The following GPM6B variants were observed in gnomAD, a reference collection of about 807,000 sequenced individuals.
GPM6B encodes the protein neuronal membrane glycoprotein M6-b.
In GPM6B, 4 loss-of-function variants were observed where a neutral mutation model predicts 27.2. The observed-to-expected ratio is 0.15, with a 90% CI of 0.07 to 0.34. The LOEUF is 0.34. Ranked by LOEUF, GPM6B falls within the 10% of genes least tolerant of loss-of-function variation. GPM6B has a pLI of 1.00. For synonymous variants in GPM6B, 124 were observed against 103.1 expected (o/e 1.20, Z -1.23); for missense variants, 183 against 261.9 (o/e 0.70, Z 2.08).
chrX:13,910,077 T>G (rs73633584), intron 1 of GPM6B, among the ~76,000 whole-genome samples: 2,069 of 111,950 alleles, frequency 0.018, 46 homozygotes, highest in African/African-American at 0.057. Context: ...CTGATAAAAC[T>G]GTGGAACTGG....
At chrX:13,900,496 G>A (rs1006548495) in intron 1 of GPM6B, among the ~76,000 whole-genome samples, 1 of 110,832 alleles carries the variant, frequency 9.0e-6, no homozygotes, top group Non-Finnish European at 1.9e-5. Context: ...GGGGTAAACT[G>A]AGGTAGCTGT....
At chrX:13,773,310 CTTTTTT>C (rs11305581) in intron 7 of GPM6B, 1 of 137,891 alleles carries the variant, frequency 7.3e-6, no homozygotes, top group Non-Finnish European at 1.3e-5. Flanking sequence ...CGAGAGGGTG[CTTTTTT>C]TTTTTTTTTT....
At chrX:13,842,001 C>A (rs780355969) in intron 1 of GPM6B, among the ~76,000 whole-genome samples, 1 of 112,152 alleles carries the variant, frequency 8.9e-6, no homozygotes, top group Admixed American at 9.4e-5. Flanking sequence ...CTCAATGAAT[C>A]GATTCTCACC....
At chrX:13,833,890 T>C (rs1489468167) in intron 1 of GPM6B, among the ~76,000 whole-genome samples, 3 of 112,595 alleles carry the variant, frequency 2.7e-5, no homozygotes, top group Non-Finnish European at 5.6e-5. Context: ...TGCTCTGCCA[T>C]TGGGCTTTGT....
intron 1 of GPM6B, among the ~76,000 whole-genome samples, chrX:13,809,035 G>A (rs2147182218): frequency 8.9e-6 from 1 of 112,272 alleles, no homozygotes; most frequent in South Asian, 3.7e-4. Flanking sequence ...CAATGATGAT[G>A]ACAGCAAAAA....
intron 1 of GPM6B, among the ~76,000 whole-genome samples, chrX:13,846,584 G>A (rs1413684198): frequency 9.1e-6 from 1 of 109,653 alleles, no homozygotes; most frequent in Non-Finnish European, 1.9e-5. Flanking sequence ...TCCGCCCTCT[G>A]GGTTCACGCC....
intron 1 of GPM6B, among the ~76,000 whole-genome samples, chrX:13,822,936 GTGAC>G (rs2049327648): frequency 8.9e-6 from 1 of 112,144 alleles, no homozygotes; most frequent in Non-Finnish European, 1.9e-5. Context: ...AATTTAGAAT[GTGAC>G]TGTCTACATT....
At chrX:13,783,791 C>T (rs775810032) in intron 3 of GPM6B, 91 of 435,003 alleles carry the variant, frequency 2.1e-4, no homozygotes, top group Non-Finnish European at 2.6e-4. Context: ...GAGTCCTGGG[C>T]GGCAAGGGTT....
rs554340328 is a variant in GPM6B, at chrX:13,839,953, G to A, written c.-197-54145C>T. Among the ~76,000 whole-genome samples, 14 of 111,492 alleles carry A rather than the reference G, an allele frequency of 1.3e-4. No individual in the cohort carries two copies. In the South Asian group the frequency reaches 2.3e-3, roughly 18 times the overall value. On this transcript the variant is annotated intron_variant, in intron 1 of 6. Coordinates refer to the GPM6B transcript ENST00000398361. ...ACAACTATAAAGCTATGCAGATCAA[G>A]GCAGTGTGGTAGTGATAAATGGACG...
At chrX:13,849,290 G>A (rs765338803) in intron 1 of GPM6B, among the ~76,000 whole-genome samples, 2 of 112,810 alleles carry the variant, frequency 1.8e-5, no homozygotes, top group East Asian at 5.5e-4. Flanking sequence ...ACGCCAAGAA[G>A]ATAGAATCAT....
chrX:13,924,074 A>G (rs1489457734), intron 1 of GPM6B, among the ~76,000 whole-genome samples: 1 of 111,626 alleles, frequency 9.0e-6, no homozygotes, highest in Admixed American at 9.5e-5. Context: ...ACTATCCTCA[A>G]TGAAGGCAGA....
intron 2 of GPM6B, among the ~76,000 whole-genome samples, chrX:13,796,428 G>A (rs767778489): frequency 1.2e-4 from 14 of 112,134 alleles, no homozygotes; most frequent in Non-Finnish European, 1.9e-4. Flanking sequence ...GAGCAAAGGC[G>A]TTTTGGGGTC....
intron 1 of GPM6B, among the ~76,000 whole-genome samples, chrX:13,897,789 C>T (rs1294096113): frequency 8.9e-6 from 1 of 111,896 alleles, no homozygotes; most frequent in African/African-American, 3.2e-5. Flanking sequence ...ATAAACAGTG[C>T]CAGCCAGGCG....
chrX:13,829,406 T>C lies in GPM6B; in HGVS notation c.-197-43598A>G, dbSNP rs183202707. Among the ~76,000 whole-genome samples the C allele has an allele frequency of 2.4e-3, 266 of 112,212 alleles. 1 individual carries two copies. The highest frequency in any genetic ancestry group is 4.1e-3 in the Admixed American group (43 of 10,614). Reference sequence around the variant, plus strand: ...TGCAGCACCTCAGCATGATACCTCCTACATGACACTTACAAAATGCTATTT... The same window carrying C: ...TGCAGCACCTCAGCATGATACCTCCCACATGACACTTACAAAATGCTATTT... On this transcript the variant is annotated intron_variant, in intron 1 of 6. Transcript: ENST00000398361.
At chrX:13,850,422 G>A (rs1459479551) in intron 1 of GPM6B, among the ~76,000 whole-genome samples, 1 of 112,664 alleles carries the variant, frequency 8.9e-6, no homozygotes, top group Non-Finnish European at 1.9e-5. Flanking sequence ...ACAGTCTCCA[G>A]AACTGTGAGT....
At chrX:13,875,854 T>C (rs1025180521) in intron 1 of GPM6B, among the ~76,000 whole-genome samples, 10 of 111,827 alleles carry the variant, frequency 8.9e-5, no homozygotes, top group African/African-American at 2.9e-4. Context: ...GATTAGTGGT[T>C]GCCAGAGGTG....
intron 2 of GPM6B, among the ~76,000 whole-genome samples, chrX:13,790,956 T>C (rs767347960): frequency 8.1e-5 from 9 of 111,653 alleles, no homozygotes; most frequent in Non-Finnish European, 1.7e-4. Context: ...TTAGTAGTCA[T>C]AGGCAAGCTG....
At chrX:13,840,064 T>TA (rs2049553908) in intron 1 of GPM6B, among the ~76,000 whole-genome samples, 1 of 112,120 alleles carries the variant, frequency 8.9e-6, no homozygotes, top group South Asian at 3.7e-4. Context: ...GGTGTTTAGA[T>TA]ACAACACCAA....
chrX:13,898,252 T>C (rs986541072), intron 1 of GPM6B, among the ~76,000 whole-genome samples: 1 of 112,076 alleles, frequency 8.9e-6, no homozygotes, highest in Non-Finnish European at 1.9e-5. Flanking sequence ...CTCCACCCAC[T>C]AGATGTCAGT....
Sources: allele counts gnomAD v4.1 joint callset (sites outside exome capture counted in the v4.1 genomes callset), GRCh38; gene constraint gnomAD v4.1.1; transcripts MANE v1.5; gene names NCBI Gene and HGNC (gene_info 2026-07-23, HGNC 2026-07-21).